Variants in KLF12 observed in about 807,000 individuals in gnomAD.
The protein encoded by KLF12 is Krueppel-like factor 12.
In KLF12, 9 loss-of-function variants were observed where a neutral mutation model predicts 37.8. That is an observed-to-expected ratio of 0.24 (90% confidence interval 0.14 to 0.42). The LOEUF is 0.42. Ranked by LOEUF, KLF12 falls within the 10% of genes least tolerant of loss-of-function variation. The pLI is 1.00. For synonymous variants in KLF12, 208 were observed against 202.1 expected (o/e 1.03, Z -0.25); for missense variants, 411 against 516.0 (o/e 0.80, Z 1.97).
At chr13:73,993,610 C>T (rs1892029829) in intron 2 of KLF12, among the ~76,000 whole-genome samples, 1 of 152,184 alleles carries the variant, frequency 6.6e-6, no homozygotes, top group African/African-American at 2.4e-5. Flanking sequence ...AAGAACATTT[C>T]CATGTTTACA....
intron 5 of KLF12, among the ~76,000 whole-genome samples, chr13:73,809,021 C>T (rs574074929): frequency 2.0e-5 from 3 of 152,260 alleles, no homozygotes; most frequent in African/African-American, 7.2e-5. Context: ...CCTTTTTAGA[C>T]CATGGCTCCT....
chr13:74,246,760 C>T, the KLF12 span, among the ~76,000 whole-genome samples: 2 of 152,200 alleles, frequency 1.3e-5, no homozygotes, highest in South Asian at 2.1e-4. Context: ...CACTTATGCA[C>T]GTGTGCATTT....
At chr13:73,726,590 T>C (rs905859149) in intron 6 of KLF12, among the ~76,000 whole-genome samples, 5 of 152,216 alleles carry the variant, frequency 3.3e-5, no homozygotes, top group African/African-American at 7.2e-5. Context: ...CTCATCCACA[T>C]TGTAGCATGC....
At chr13:74,201,812 T>A in the KLF12 span, among the ~76,000 whole-genome samples, 1 of 152,196 alleles carries the variant, frequency 6.6e-6, no homozygotes, top group Non-Finnish European at 1.5e-5. Flanking sequence ...GTCAGACAAT[T>A]CAGCTTGACA....
At chr13:74,129,110 T>C (rs1046451057) in intron 1 of KLF12, among the ~76,000 whole-genome samples, 7 of 152,202 alleles carry the variant, frequency 4.6e-5, no homozygotes, top group Non-Finnish European at 8.8e-5. Flanking sequence ...GATACCAAAA[T>C]CCATGGATGC....
At chr13:73,914,248 G>A (rs991024535) in intron 3 of KLF12, among the ~76,000 whole-genome samples, 3 of 152,162 alleles carry the variant, frequency 2.0e-5, no homozygotes, top group Non-Finnish European at 4.4e-5. Flanking sequence ...ACCTCTGAGA[G>A]ACCCACTCTC....
chr13:73,875,924 C>G lies in KLF12; in HGVS notation c.124-29551G>C, dbSNP rs992283146. Reference sequence around the variant, plus strand: ...TTTGTCATTATTCCTTTATTTTCAACCTTTGTTTTCATGTTTAGGTGTGTA... The same window carrying G: ...TTTGTCATTATTCCTTTATTTTCAAGCTTTGTTTTCATGTTTAGGTGTGTA... On this transcript the variant is annotated intron_variant, in intron 3 of 7. Coordinates refer to ENST00000377669, the MANE Select transcript of KLF12 (RefSeq NM_007249.5). Among the ~76,000 whole-genome samples, 32 of 152,180 alleles carry G rather than the reference C, an allele frequency of 2.1e-4. No homozygotes were observed. In the South Asian group the frequency reaches 3.7e-3, roughly 18 times the overall value.
At chr13:74,182,565 C>T in the KLF12 span, among the ~76,000 whole-genome samples, 1 of 152,178 alleles carries the variant, frequency 6.6e-6, no homozygotes, top group Admixed American at 6.5e-5. Context: ...GATTAGTAGC[C>T]CTTCTGTCTT....
the KLF12 span, among the ~76,000 whole-genome samples, chr13:74,233,247 G>C: frequency 7.9e-5 from 12 of 152,212 alleles, no homozygotes; most frequent in East Asian, 2.1e-3. Context: ...GCCTACATGG[G>C]ATGACACCAG....
chr13:73,770,393 A>C (rs942123421), intron 5 of KLF12, among the ~76,000 whole-genome samples: 1 of 152,352 alleles, frequency 6.6e-6, no homozygotes, highest in East Asian at 1.9e-4. Flanking sequence ...TTAAATGACT[A>C]TTAGAAATGC....
chr13:74,124,886 T>A (rs1216177328), intron 1 of KLF12, among the ~76,000 whole-genome samples: 2 of 152,160 alleles, frequency 1.3e-5, no homozygotes, highest in Non-Finnish European at 2.9e-5. Flanking sequence ...CCGCGTATGT[T>A]GGCCCACACC....
intron 1 of KLF12, among the ~76,000 whole-genome samples, chr13:74,070,610 C>T (rs1874175278): frequency 6.6e-6 from 1 of 152,110 alleles, no homozygotes; most frequent in Admixed American, 6.5e-5. Flanking sequence ...GAGGACTAGG[C>T]AGGGATAGGC....
chr13:73,722,502 C>G (rs1326029913), intron 6 of KLF12, among the ~76,000 whole-genome samples: 1 of 152,160 alleles, frequency 6.6e-6, no homozygotes, highest in Non-Finnish European at 1.5e-5. Flanking sequence ...ACTACCAAAT[C>G]CCCAGCAGCT....
the KLF12 span, among the ~76,000 whole-genome samples, chr13:74,159,792 G>C: frequency 2.0e-5 from 3 of 152,050 alleles, no homozygotes; most frequent in Non-Finnish European, 4.4e-5. Context: ...ACTGAGGTGG[G>C]CAGATTGCCT....
the KLF12 span, among the ~76,000 whole-genome samples, chr13:74,220,839 C>T: frequency 6.6e-6 from 1 of 152,134 alleles, no homozygotes; most frequent in African/African-American, 2.4e-5. Context: ...ACTCAAATGA[C>T]AGGATTTTCT....
the KLF12 span, among the ~76,000 whole-genome samples, chr13:74,295,944 G>A: frequency 1.4e-4 from 21 of 152,122 alleles, no homozygotes; most frequent in African/African-American, 5.1e-4. Context: ...GTCCTGAGTA[G>A]CAGGGATGAT....
intron 2 of KLF12, among the ~76,000 whole-genome samples, chr13:73,955,065 T>C (rs970715527): frequency 1.3e-5 from 2 of 152,208 alleles, no homozygotes; most frequent in African/African-American, 4.8e-5. Flanking sequence ...AGTTTTCTTA[T>C]CTGTAAAGTG....
intron 1 of KLF12, among the ~76,000 whole-genome samples, chr13:74,088,642 A>G (rs1375283032): frequency 6.6e-6 from 1 of 152,170 alleles, no homozygotes; most frequent in African/African-American, 2.4e-5. Context: ...GACCTACAAG[A>G]AAGAGCACAG....
the KLF12 span, among the ~76,000 whole-genome samples, chr13:74,281,951 A>G: frequency 2.0e-5 from 3 of 152,158 alleles, no homozygotes; most frequent in African/African-American, 4.8e-5. Context: ...TGCATTCACA[A>G]ATAATATCCT....
Sources: allele counts gnomAD v4.1 joint callset (sites outside exome capture counted in the v4.1 genomes callset), GRCh38; gene constraint gnomAD v4.1.1; transcripts MANE v1.5; gene names NCBI Gene and HGNC (gene_info 2026-07-23, HGNC 2026-07-21).